MYO18B: variants seen among roughly 807,000 people sequenced by gnomAD.
The protein encoded by MYO18B is myosin XVIIIB.
MYO18B carries 204 observed loss-of-function variants against 273.0 expected under a neutral mutation model. The observed-to-expected ratio is 0.75, with a 90% CI of 0.67 to 0.84. The LOEUF (loss-of-function observed/expected upper bound fraction) is 0.84. Ranked by LOEUF, MYO18B falls within the 40% of genes least tolerant of loss-of-function variation. The pLI, the probability that MYO18B is intolerant of heterozygous loss-of-function variation, is 0.00. For synonymous variants in MYO18B, 1,330 were observed against 1,305.7 expected (o/e 1.02, Z -0.40); for missense variants, 3,212 against 3,287.6 (o/e 0.98, Z 0.56).
At chr22:25,805,911 G>T (rs1264090864) in intron 12 of MYO18B, among the ~76,000 whole-genome samples, 1 of 152,214 alleles carries the variant, frequency 6.6e-6, no homozygotes, top group Non-Finnish European at 1.5e-5. Flanking sequence ...CCTGAGCAAG[G>T]TCTGGTTTTC....
intron 12 of MYO18B, among the ~76,000 whole-genome samples, chr22:25,802,151 AC>A (rs2088227558): frequency 6.6e-6 from 1 of 151,958 alleles, no homozygotes; most frequent in African/African-American, 2.4e-5. Flanking sequence ...AGTTCTCATG[AC>A]CCCCTTCTCT....
intron 25 of MYO18B, among the ~76,000 whole-genome samples, chr22:25,888,141 T>C (rs2285199): frequency 0.2 from 29,856 of 152,198 alleles, 3,702 homozygotes; most frequent in Admixed American, 0.35. Context: ...TGGCAGTTTC[T>C]ATGGCAGTAA....
At chr22:25,909,958 A>G (rs2092123688) in intron 32 of MYO18B, among the ~76,000 whole-genome samples, 1 of 152,174 alleles carries the variant, frequency 6.6e-6, no homozygotes, top group Non-Finnish European at 1.5e-5. Flanking sequence ...CACCCGTGAA[A>G]TAGGATCTCT....
intron 36 of MYO18B, among the ~76,000 whole-genome samples, chr22:25,948,798 T>C (rs2092758741): frequency 6.6e-6 from 1 of 151,362 alleles, no homozygotes; most frequent in Non-Finnish European, 1.5e-5. Flanking sequence ...GAGCCAAGAG[T>C]CCAGAAAGGA....
At chr22:26,061,008 C>T in the MYO18B span, among the ~76,000 whole-genome samples, 1 of 72,648 alleles carries the variant, frequency 1.4e-5, no homozygotes, top group South Asian at 3.8e-4. Flanking sequence ...CACACACATA[C>T]ACACACACAC....
chr22:25,891,881 A>T (rs554890353), intron 27 of MYO18B, among the ~76,000 whole-genome samples: 55 of 152,276 alleles, frequency 3.6e-4, no homozygotes, highest in South Asian at 6.2e-4. Context: ...TTAAAAAATT[A>T]GCCTGGTGTG....
rs573442781 is a variant in MYO18B, at chr22:25,758,562, T to C, written c.-109-2422T>C. Reference sequence around the variant, plus strand: ...GGGCCGACGCACACAGGAGCGTGGATGAATGTCAAAAACATGCAAAGTGAA... The same window carrying C: ...GGGCCGACGCACACAGGAGCGTGGACGAATGTCAAAAACATGCAAAGTGAA... On this transcript the variant is annotated intron_variant, in intron 1 of 43. Coordinates refer to ENST00000335473, the MANE Select transcript of MYO18B (RefSeq NM_032608.7). Among the ~76,000 whole-genome samples, 156 of 151,870 alleles carry C rather than the reference T, an allele frequency of 1.0e-3. 1 individual carries two copies. Among genetic ancestry groups the C allele is most frequent in the Admixed American group, 2.8e-3 (42 of 15,250 alleles).
chr22:25,873,578 T>A lies in MYO18B; in HGVS notation c.3952-708T>A, dbSNP rs531802564. On this transcript the variant is annotated intron_variant, in intron 22 of 43. Transcript: ENST00000335473. ...GCCTCAGCCTCCCGAGTAGCTGGGATTACAGGCATTCGCCACCACGCTTGG... is the reference window on the plus strand; with the variant it reads ...GCCTCAGCCTCCCGAGTAGCTGGGAATACAGGCATTCGCCACCACGCTTGG... 1.3e-4 allele frequency among the ~76,000 whole-genome samples: 20 copies of A among 152,322 alleles called. No individual in the cohort carries two copies. In the South Asian group the frequency reaches 2.9e-3, roughly 22 times the overall value.
chr22:25,878,946 T>G, intron 25 of MYO18B, among the ~76,000 whole-genome samples: 1 of 152,256 alleles, frequency 6.6e-6, no homozygotes, highest in East Asian at 1.9e-4. Context: ...ACAGCCTTTG[T>G]CCTGTTGAAG....
intron 21 of MYO18B, among the ~76,000 whole-genome samples, chr22:25,858,075 GT>G (rs2090625973): frequency 6.6e-6 from 1 of 152,176 alleles, no homozygotes; most frequent in African/African-American, 2.4e-5. Context: ...CAGGCATTTC[GT>G]TTATAGGCTT....
In MYO18B at chr22:25,781,380, C is replaced by T. The variant is rs138542905; in HGVS notation, c.2212-354C>T. 7.9e-3 allele frequency among the ~76,000 whole-genome samples: 1,197 copies of T among 152,046 alleles called. 16 individuals carry two copies. Among genetic ancestry groups the T allele is most frequent in the African/African-American group, 0.027 (1,101 of 41,464 alleles). ...ATCCCAGCACTTTGGGAGGCTGAGA[C>T]GGGTGGATCATGAGGTCAGGAGATT... On this transcript the variant is annotated intron_variant, in intron 9 of 43. Coordinates refer to ENST00000335473, the MANE Select transcript of MYO18B (RefSeq NM_032608.7).
chr22:26,032,509 A>G (rs1465469365), downstream of MYO18B, among the ~76,000 whole-genome samples: 4 of 145,118 alleles, frequency 2.8e-5, no homozygotes, highest in African/African-American at 1.0e-4. Context: ...CCTGATTTTA[A>G]TCACCCTGTT....
intron 42 of MYO18B, among the ~76,000 whole-genome samples, chr22:26,016,549 T>C (rs1038771590): frequency 2.6e-5 from 4 of 152,204 alleles, no homozygotes; most frequent in Non-Finnish European, 4.4e-5. Flanking sequence ...GACTGACCAG[T>C]GAGTGGGGAT....
the MYO18B span, among the ~76,000 whole-genome samples, chr22:26,057,170 G>A: frequency 1.3e-5 from 2 of 151,886 alleles, no homozygotes; most frequent in Non-Finnish European, 2.9e-5. Context: ...AGGGCCCCTT[G>A]TTCTAAAGGA....
rs766984998 is a variant in MYO18B at position 25,761,117 on chromosome 22, C to T, written c.25C>T (p.Leu9=). The change falls in exon 2 of 44, where the codon CTG becomes TTG. Residue 9 remains leucine, a synonymous_variant. Transcript: ENST00000335473. MAISSRLA[L]WEQKIREEDK... Reference sequence around the variant, plus strand: ...CATGGCCATCTCATCACGCCTCGCCCTGTGGGAGCAGAAGGAAAGTGACAC... The same window carrying T: ...CATGGCCATCTCATCACGCCTCGCCTTGTGGGAGCAGAAGGAAAGTGACAC... 6.2e-7 allele frequency: 1 copy of T among 1,613,468 alleles called. No individual in the cohort carries two copies. Among genetic ancestry groups the T allele is most frequent in the Non-Finnish European group, 8.5e-7 (1 of 1,179,890 alleles).
chr22:25,900,351 G>C (rs1264336595), intron 29 of MYO18B: 1 of 152,210 alleles, frequency 6.6e-6, no homozygotes, highest in East Asian at 1.9e-4. Flanking sequence ...GGAAAATTTA[G>C]AAGTCAGTAA....
intron 18 of MYO18B, among the ~76,000 whole-genome samples, chr22:25,845,595 A>T (rs956913510): frequency 7.9e-5 from 12 of 152,216 alleles, no homozygotes; most frequent in Non-Finnish European, 1.6e-4. Context: ...CATGACAGGG[A>T]TGCTGAGAGA....
chr22:26,020,376 T>C (rs1935710360), intron 42 of MYO18B, among the ~76,000 whole-genome samples: 1 of 152,052 alleles, frequency 6.6e-6, no homozygotes, highest in Non-Finnish European at 1.5e-5. Context: ...TCTCAGACAC[T>C]AGCTCGTTCT....
In MYO18B at chr22:25,788,421, A is replaced by G. The variant is rs138231014; in HGVS notation, c.2376+2930A>G. Among the ~76,000 whole-genome samples the G allele has an allele frequency of 6.9e-3, 1,047 of 152,280 alleles. 10 individuals carry two copies. Among genetic ancestry groups the G allele is most frequent in the South Asian group, 0.031 (151 of 4,818 alleles). ...AATGTGAATTTCAGATAAACATTGA[A>G]TAATGTTTTAGTATAAGCATGTCCC... On this transcript the variant is annotated intron_variant, in intron 11 of 43. Coordinates refer to ENST00000335473, the MANE Select transcript of MYO18B (RefSeq NM_032608.7).
Sources: gnomAD v4.1 joint callset for allele counts (sites outside exome capture counted in the v4.1 genomes callset) on GRCh38, gnomAD v4.1.1 for gene constraint, MANE v1.5 for transcripts, NCBI Gene and HGNC (gene_info 2026-07-23, HGNC 2026-07-21) for gene names.